MYO1E: variants seen among roughly 807,000 people sequenced by gnomAD.
MYO1E encodes unconventional myosin-Ie.
In MYO1E, 68 loss-of-function variants were observed where a neutral mutation model predicts 151.1. The ratio of observed to expected loss-of-function variants is 0.45; its 90% CI spans 0.37 to 0.55. The LOEUF is 0.55. Ranked by LOEUF, MYO1E falls within the 20% of genes least tolerant of loss-of-function variation. MYO1E has a pLI of 0.00. For synonymous variants in MYO1E, 601 were observed against 501.7 expected (o/e 1.20, Z -2.64); for missense variants, 1,363 against 1,389.3 (o/e 0.98, Z 0.30).
At chr15:59,178,613 G>A in intron 18 of MYO1E, 76 bp from the exon 19 acceptor site, 4 of 1,564,570 alleles carry the variant, frequency 2.6e-6, no homozygotes, top group Non-Finnish European at 2.6e-6. Flanking sequence ...AAGGCAGCAA[G>A]AGCTCTGCTC....
At position 59,205,384 on chromosome 15, in the gene MYO1E, G is replaced by A; in HGVS notation, c.1616+16C>T. 6.2e-7 allele frequency: 1 copy of A among 1,611,540 alleles called. No individual in the cohort carries two copies. The highest frequency in any genetic ancestry group is 8.5e-7 in the Non-Finnish European group (1 of 1,177,792). ...CAAACCTATATCCCCTGTCAGCTAT[G>A]GCAAAACATACTTACAGCTCGCTGC... On this transcript the variant is annotated intron_variant, in intron 15 of 27. Coordinates refer to ENST00000288235, the MANE Select transcript of MYO1E (RefSeq NM_004998.4).
At chr15:59,184,718 T>C (rs2079685508) in intron 18 of MYO1E, among the ~76,000 whole-genome samples, 1 of 152,206 alleles carries the variant, frequency 6.6e-6, no homozygotes, top group Non-Finnish European at 1.5e-5. Context: ...CTTCCAAATC[T>C]TGGCTATTGT....
chr15:59,307,717 TCTC>T (rs544425137), intron 1 of MYO1E, among the ~76,000 whole-genome samples: 234 of 152,102 alleles, frequency 1.5e-3, no homozygotes, highest in African/African-American at 5.3e-3. Flanking sequence ...TTCAAGCCAT[TCTC>T]CTGTCTCAGC....
intron 7 of MYO1E, 90 bp from the exon 8 acceptor site, chr15:59,224,913 C>A (rs2079980115): frequency 6.5e-7 from 1 of 1,546,694 alleles, no homozygotes; most frequent in Non-Finnish European, 8.9e-7. Context: ...TCCCTAAGGA[C>A]TTTCTATCTC....
intron 4 of MYO1E, among the ~76,000 whole-genome samples, chr15:59,237,412 TTAA>T (rs1457412505): frequency 2.6e-5 from 4 of 152,172 alleles, no homozygotes; most frequent in Admixed American, 1.3e-4. Flanking sequence ...GAGCCTTTTG[TTAA>T]TAATATATAG....
At chr15:59,302,591 A>G (rs979696594) in intron 1 of MYO1E, among the ~76,000 whole-genome samples, 1 of 152,186 alleles carries the variant, frequency 6.6e-6, no homozygotes, top group Non-Finnish European at 1.5e-5. Context: ...GACCTTAATT[A>G]GACATAACAC....
At chr15:59,264,527 T>C (rs1566995919) in intron 2 of MYO1E, among the ~76,000 whole-genome samples, 4 of 152,220 alleles carry the variant, frequency 2.6e-5, no homozygotes, top group Admixed American at 2.6e-4. Context: ...CCAGTAATAT[T>C]TGGTACATAC....
chr15:59,204,975 C>A (rs1411136271), intron 15 of MYO1E, among the ~76,000 whole-genome samples: 1 of 152,098 alleles, frequency 6.6e-6, no homozygotes, highest in African/African-American at 2.4e-5. Flanking sequence ...CCTGAAGGAC[C>A]TGTAGATGGC....
At chr15:59,274,588 A>G (rs2080307328) in intron 1 of MYO1E, among the ~76,000 whole-genome samples, 1 of 152,180 alleles carries the variant, frequency 6.6e-6, no homozygotes, top group African/African-American at 2.4e-5. Flanking sequence ...ATAAAACACA[A>G]GGGCTGTTAA....
chr15:59,366,931 T>C (rs1329304177), intron 1 of MYO1E, among the ~76,000 whole-genome samples: 2 of 137,084 alleles, frequency 1.5e-5, no homozygotes, highest in African/African-American at 5.6e-5. Context: ...AAAAAGTTTT[T>C]AAAAACTCAC....
intron 1 of MYO1E, among the ~76,000 whole-genome samples, chr15:59,331,220 C>T (rs140783901): frequency 7.0e-4 from 106 of 152,234 alleles, no homozygotes; most frequent in African/African-American, 2.3e-3. Context: ...TTTGCTAAAC[C>T]GATGTAGGAT....
chr15:59,211,199 C>CA (rs34629822), intron 12 of MYO1E, among the ~76,000 whole-genome samples: 9,406 of 116,050 alleles, frequency 0.081, 382 homozygotes, highest in African/African-American at 0.11. Flanking sequence ...AACTCCAACT[C>CA]AAAAAAAAAA....
At chr15:59,211,103 G>A (rs1397077081) in intron 12 of MYO1E, among the ~76,000 whole-genome samples, 3 of 151,856 alleles carry the variant, frequency 2.0e-5, no homozygotes, top group African/African-American at 7.3e-5. Flanking sequence ...GGGAGGCTGA[G>A]GCAGGAGAAT....
intron 1 of MYO1E, among the ~76,000 whole-genome samples, chr15:59,330,727 C>T (rs2080693117): frequency 6.6e-6 from 1 of 152,098 alleles, no homozygotes; most frequent in Non-Finnish European, 1.5e-5. Flanking sequence ...AACTACAGCC[C>T]GTGAGCCAAA....
intron 4 of MYO1E, among the ~76,000 whole-genome samples, chr15:59,239,910 G>T (rs2080089849): frequency 6.6e-6 from 1 of 152,162 alleles, no homozygotes; most frequent in South Asian, 2.1e-4. Flanking sequence ...TGGCCTGTTT[G>T]GGATGAGAAC....
At chr15:59,201,372 G>A (rs1446637556) in intron 16 of MYO1E, among the ~76,000 whole-genome samples, 1 of 151,386 alleles carries the variant, frequency 6.6e-6, no homozygotes, top group African/African-American at 2.4e-5. Flanking sequence ...GGGATTACAG[G>A]CCAGAGCCAC....
chr15:59,297,248 G>A (rs1250797596), intron 1 of MYO1E, among the ~76,000 whole-genome samples: 4 of 150,876 alleles, frequency 2.7e-5, no homozygotes, highest in African/African-American at 9.7e-5. Context: ...TTCCCCTGGT[G>A]CAGGATCATG....
rs762693309 is a variant in MYO1E, at chr15:59,171,972, C to T, written c.2405G>A (p.Gly802Asp). The change falls in exon 22 of 28, where the codon GGC (glycine) becomes GAC (aspartate). Residue 802 changes from glycine to aspartate, a missense_variant. By Grantham distance (94) the Gly-to-Asp change is moderately conservative. Transcript: ENST00000288235. ...TTCTTTCACCAGGCCCTTGTCTGGG[C>T]CCTGTTTGACTTTTTCTCGTCCGAT... Reference protein sequence around the residue: ...YLIGREKVKQGPDKGLVKEVL... With the variant: ...YLIGREKVKQDPDKGLVKEVL... 5.0e-5 allele frequency: 81 copies of T among 1,614,086 alleles called. No individual in the cohort carries two copies. Among genetic ancestry groups the T allele is most frequent in the Non-Finnish European group, 6.6e-5 (78 of 1,180,050 alleles).
chr15:59,268,720 A>ATTTTTTGTTTTTTTTTTTTTTTTTTTTT (rs2080271459), intron 2 of MYO1E, among the ~76,000 whole-genome samples: 5 of 44,906 alleles, frequency 1.1e-4, no homozygotes, highest in Admixed American at 3.9e-4. Context: ...TGACTTTGGT[A>ATTTTTTGTTTTTTTTTTTTTTTTTTTTT]TTTTTTTTTT....
Sources: allele counts gnomAD v4.1 joint callset (sites outside exome capture counted in the v4.1 genomes callset), GRCh38; gene constraint gnomAD v4.1.1; transcripts MANE v1.5; gene names NCBI Gene and HGNC (gene_info 2026-07-23, HGNC 2026-07-21).